Variants in SLC44A5 observed in about 807,000 individuals in gnomAD.
SLC44A5 encodes choline transporter-like protein 5.
A neutral mutation model predicts 101.8 loss-of-function variants in SLC44A5; 57 were observed. That is an observed-to-expected ratio of 0.56 (90% CI 0.45 to 0.70). The LOEUF (loss-of-function observed/expected upper bound fraction) is 0.70, where lower values mean the gene tolerates loss of function less well. SLC44A5 is among the 30% of genes least tolerant of loss of function. SLC44A5 has a pLI of 0.00. For synonymous variants in SLC44A5, 281 were observed against 290.9 expected, an observed-to-expected ratio of 0.97 and a Z score of 0.35; for missense variants, 737 against 853.1, an observed-to-expected ratio of 0.86 and a Z score of 1.70.
chr1:75,233,631 G>T (rs1056527930), intron 12 of SLC44A5, among the ~76,000 whole-genome samples: 1 of 152,148 alleles, frequency 6.6e-6, no homozygotes, highest in Non-Finnish European at 1.5e-5. Flanking sequence ...TTCGGACCTG[G>T]CCTTTGATCG....
chr1:75,310,905 ATTC>A (rs1412378345), intron 4 of SLC44A5, among the ~76,000 whole-genome samples: 2 of 152,184 alleles, frequency 1.3e-5, no homozygotes, highest in Non-Finnish European at 2.9e-5. Context: ...TGTTTATATA[ATTC>A]TTGACATTCA....
intron 18 of SLC44A5, among the ~76,000 whole-genome samples, chr1:75,217,303 A>T (rs1253401973): frequency 6.6e-6 from 1 of 151,768 alleles, no homozygotes; most frequent in Non-Finnish European, 1.5e-5. Context: ...CTAGTACCAC[A>T]CTCTTTTGAT....
intron 1 of SLC44A5, among the ~76,000 whole-genome samples, chr1:75,602,441 G>C (rs1014250383): frequency 1.8e-4 from 27 of 152,152 alleles, no homozygotes; most frequent in African/African-American, 6.3e-4. Flanking sequence ...TTTCTGAGTG[G>C]TTAAGGATTG....
chr1:75,671,347 C>G, the SLC44A5 span, among the ~76,000 whole-genome samples: 1 of 152,086 alleles, frequency 6.6e-6, no homozygotes, highest in East Asian at 1.9e-4. Flanking sequence ...GAGGAGCAGT[C>G]TCTTCAAAAT....
At chr1:75,539,194 A>C (rs1423488390) in intron 2 of SLC44A5, among the ~76,000 whole-genome samples, 1 of 152,192 alleles carries the variant, frequency 6.6e-6, no homozygotes, top group Non-Finnish European at 1.5e-5. Flanking sequence ...TCTAATCTCT[A>C]CTTTAGTCAG....
chr1:75,403,495 G>A (rs1662639942), intron 2 of SLC44A5, among the ~76,000 whole-genome samples: 1 of 152,164 alleles, frequency 6.6e-6, no homozygotes, highest in Admixed American at 6.5e-5. Context: ...GCTTCCAGAG[G>A]AAGAAACAGG....
intron 2 of SLC44A5, among the ~76,000 whole-genome samples, chr1:75,479,972 T>G (rs1667726142): frequency 6.6e-6 from 1 of 152,132 alleles, no homozygotes; most frequent in South Asian, 2.1e-4. Flanking sequence ...TAGACCAATA[T>G]CCTTGATGAA....
At chr1:75,285,448 AT>A (rs199721050) in intron 5 of SLC44A5, among the ~76,000 whole-genome samples, 3,145 of 151,104 alleles carry the variant, frequency 0.021, 49 homozygotes, top group Admixed American at 0.044. Context: ...TTCATTTATC[AT>A]TTTTTTTGTG....
At chr1:75,251,857 C>T (rs1394736) in intron 6 of SLC44A5, among the ~76,000 whole-genome samples, 51,597 of 151,960 alleles carry the variant, frequency 0.34, 10,130 homozygotes, top group East Asian at 0.8. Context: ...GGCAGAGTAA[C>T]GAAGCAGGTT....
At chr1:75,398,723 A>G (rs79151517) in intron 2 of SLC44A5, among the ~76,000 whole-genome samples, 2,639 of 152,292 alleles carry the variant, frequency 0.017, 38 homozygotes, top group Middle Eastern at 0.048. Context: ...AGCAAAGTTC[A>G]TATTTTGGCA....
chr1:75,656,536 G>A, the SLC44A5 span, among the ~76,000 whole-genome samples: 1 of 152,138 alleles, frequency 6.6e-6, no homozygotes, highest in East Asian at 1.9e-4. Flanking sequence ...AAAGTACAGA[G>A]TGTTATAATT....
chr1:75,543,440 T>C (rs75266217), intron 1 of SLC44A5, among the ~76,000 whole-genome samples: 1 of 151,894 alleles, frequency 6.6e-6, no homozygotes, highest in African/African-American at 2.4e-5. Context: ...CTCTGCTAAC[T>C]TTTTCTCCAT....
intron 6 of SLC44A5, among the ~76,000 whole-genome samples, chr1:75,271,524 T>TGTGTGTGTGTGTGTGTGC (rs1553152617): frequency 1.3e-5 from 2 of 151,124 alleles, no homozygotes; most frequent in African/African-American, 4.9e-5. Context: ...TGTGTGTGTG[T>TGTGTGTGTGTGTGTGTGC]CCTCATAGCT....
At chr1:75,260,114 C>T (rs1455095165) in intron 6 of SLC44A5, among the ~76,000 whole-genome samples, 1 of 152,120 alleles carries the variant, frequency 6.6e-6, no homozygotes, top group Non-Finnish European at 1.5e-5. Context: ...GAAGAAACTG[C>T]ATCAACTAAC....
chr1:75,288,722 C>T lies in SLC44A5; in HGVS notation c.175+11890G>A, dbSNP rs1653272111. 5.3e-5 allele frequency among the ~76,000 whole-genome samples: 8 copies of T among 152,274 alleles called. No homozygotes were observed. In the South Asian group the frequency reaches 1.4e-3, roughly 28 times the overall value. On this transcript the variant is annotated intron_variant, in intron 5 of 23. Coordinates refer to ENST00000370859, the MANE Select transcript of SLC44A5 (RefSeq NM_001130058.2). ...TCTATGCTAGAACAAATCAAAACAG[C>T]CTCTGTCACTTTGGATGCAGCACTA... is the stretch of plus-strand genomic sequence containing the variant.
intron 6 of SLC44A5, among the ~76,000 whole-genome samples, chr1:75,268,786 T>C (rs1198433874): frequency 1.3e-5 from 2 of 152,150 alleles, no homozygotes. Flanking sequence ...CACATTTCCT[T>C]GCCAATAAAT....
intron 4 of SLC44A5, among the ~76,000 whole-genome samples, chr1:75,303,197 G>A (rs1654631991): frequency 6.6e-6 from 1 of 152,126 alleles, no homozygotes; most frequent in African/African-American, 2.4e-5. Context: ...CAGAGCACAA[G>A]GACAGAAGCA....
chr1:75,369,625 T>C (rs1660096974), intron 3 of SLC44A5, among the ~76,000 whole-genome samples: 1 of 152,198 alleles, frequency 6.6e-6, no homozygotes, highest in South Asian at 2.1e-4. Context: ...TAGAGGTTGA[T>C]TCTTATTTTC....
At chr1:75,451,354 C>T (rs547488950) in intron 2 of SLC44A5, among the ~76,000 whole-genome samples, 2 of 152,208 alleles carry the variant, frequency 1.3e-5, no homozygotes, top group South Asian at 2.1e-4. Context: ...AATCTATGGG[C>T]TTGTAGGTTG....
Sources: gnomAD v4.1 joint callset for allele counts (sites outside exome capture counted in the v4.1 genomes callset) on GRCh38, gnomAD v4.1.1 for gene constraint, MANE v1.5 for transcripts, NCBI Gene and HGNC (gene_info 2026-07-23, HGNC 2026-07-21) for gene names.